BLOC1S6: variants seen among roughly 807,000 people sequenced by gnomAD.
The protein encoded by BLOC1S6 is biogenesis of lysosome-related organelles complex 1 subunit 6.
A neutral mutation model predicts 24.7 loss-of-function variants in BLOC1S6; 24 were observed. The ratio of observed to expected loss-of-function variants is 0.97; its 90% CI spans 0.70 to 1.37. The LOEUF (loss-of-function observed/expected upper bound fraction) is 1.37, where lower values mean the gene tolerates loss of function less well. BLOC1S6 is among the 40% of genes most tolerant of loss of function. BLOC1S6 has a pLI of 0.00. For synonymous variants in BLOC1S6, 76 were observed against 72.6 expected (o/e 1.05, Z -0.23); for missense variants, 175 against 196.2 (o/e 0.89, Z 0.64).
rs1227981203 is a variant in BLOC1S6, at chr15:45,609,235, T to C, written c.*2721T>C. On this transcript the variant is annotated 3_prime_UTR_variant, in exon 5 of 5. Transcript: ENST00000220531. ...GCTTTGGGAGGCTGAGGTGGGAAGA[T>C]TCTTTGAGCCCAGGAGTTCAAGGCT... is the stretch of plus-strand genomic sequence containing the variant. 2.0e-5 allele frequency: 3 copies of C among 152,130 alleles called. No individual in the cohort carries two copies. The highest frequency in any genetic ancestry group is 7.2e-5 in the African/African-American group (3 of 41,416). The allele number at this position is 152,130 out of a possible 1,614,324, so 9.4% of individuals were successfully genotyped here.
chr15:45,590,185 C>CTA (rs1245487486), intron 1 of BLOC1S6, among the ~76,000 whole-genome samples: 1 of 151,804 alleles, frequency 6.6e-6, no homozygotes, highest in African/African-American at 2.4e-5. Flanking sequence ...CTCTCTCTCT[C>CTA]TCTCTCTCTA....
intron 3 of BLOC1S6, 76 bp downstream of exon 3, chr15:45,603,263 A>T: frequency 5.5e-6 from 5 of 910,320 alleles, no homozygotes; most frequent in Non-Finnish European, 8.7e-6. Flanking sequence ...AGCAATAGCT[A>T]AGATTTTAAG....
chr15:45,587,357 C>A, upstream of BLOC1S6: 1 of 1,320,486 alleles, frequency 7.6e-7, no homozygotes, highest in African/African-American at 1.5e-5. Context: ...TCTCTTCTGT[C>A]CGGCCAGCCG....
intron 1 of BLOC1S6, among the ~76,000 whole-genome samples, chr15:45,590,651 G>A (rs1893851848): frequency 6.6e-6 from 1 of 151,916 alleles, no homozygotes; most frequent in East Asian, 1.9e-4. Flanking sequence ...CAAGTGATCC[G>A]CCCACCTCAG....
At chr15:45,590,408 CTTTTT>C (rs34886686) in intron 1 of BLOC1S6, among the ~76,000 whole-genome samples, 1 of 136,150 alleles carries the variant, frequency 7.3e-6, no homozygotes, top group Non-Finnish European at 1.6e-5. Flanking sequence ...TTTCCTCAAT[CTTTTT>C]TTTTTTTTTT....
intron 2 of BLOC1S6, chr15:45,597,867 C>A: frequency 2.7e-6 from 1 of 365,796 alleles, no homozygotes; most frequent in Non-Finnish European, 5.5e-6. Flanking sequence ...TTTTTCTTGT[C>A]TTGCTGTATT....
intron 3 of BLOC1S6, among the ~76,000 whole-genome samples, chr15:45,603,871 AAATT>A (rs1894354497): frequency 6.6e-6 from 1 of 152,222 alleles, no homozygotes; most frequent in African/African-American, 2.4e-5. Context: ...ATGCTATAAT[AAATT>A]AATGCTATAG....
intron 3 of BLOC1S6, among the ~76,000 whole-genome samples, chr15:45,603,621 G>GCTC (rs1894344328): frequency 6.6e-6 from 1 of 152,296 alleles, no homozygotes; most frequent in East Asian, 1.9e-4. Context: ...AACTGAGGTG[G>GCTC]AAGGATTGCT....
chr15:45,590,749 A>T (rs1195415598), intron 1 of BLOC1S6, among the ~76,000 whole-genome samples: 1 of 152,170 alleles, frequency 6.6e-6, no homozygotes, highest in Non-Finnish European at 1.5e-5. Flanking sequence ...TGTGGCACAA[A>T]TTGTACTTAG....
chr15:45,603,255 C>A, intron 3 of BLOC1S6, 68 bp downstream of exon 3: 1 of 965,962 alleles, frequency 1.0e-6, no homozygotes, highest in Non-Finnish European at 1.6e-6. Context: ...CTTAGCTAAG[C>A]AATAGCTAAG....
chr15:45,607,427 T>C lies in BLOC1S6; in HGVS notation c.*913T>C, dbSNP rs1894513609. 1 of 152,162 alleles carries C rather than the reference T, an allele frequency of 6.6e-6. No individual in the cohort carries two copies. 9.4% of individuals were successfully genotyped at this position (152,162 alleles called of 1,614,324 possible). ...CTTGTATATTTATAATACAATATAG[T>C]ATTATAGTAACAGTTATCATACACT... On this transcript the variant is annotated 3_prime_UTR_variant, in exon 5 of 5. Transcript: ENST00000220531.
intron 1 of BLOC1S6, among the ~76,000 whole-genome samples, chr15:45,589,803 C>T (rs1306910212): frequency 2.0e-5 from 3 of 151,988 alleles, no homozygotes; most frequent in African/African-American, 7.3e-5. Flanking sequence ...ACTTGAGTGA[C>T]TTCTTAACCA....
rs986413143 is a variant in BLOC1S6, at chr15:45,606,412, G to A, written c.417G>A (p.Leu139=). The A allele has an allele frequency of 6.2e-7, 1 of 1,613,900 alleles. No individual in the cohort carries two copies. Among genetic ancestry groups the A allele is most frequent in the Non-Finnish European group, 8.5e-7 (1 of 1,180,026 alleles). The change falls in exon 5 of 5, where the codon CTG becomes CTA. Residue 139 remains leucine (L), a synonymous_variant. Coordinates refer to ENST00000220531, the MANE Select transcript of BLOC1S6 (RefSeq NM_012388.4). ...TSKLKKRALK[L]QQKRQKEELE... Reference sequence around the variant, plus strand: ...TAACACAGAAAAGAGCACTTAAACTGCAGCAGAAGAGGCAAAAAGAAGAGT... The same window carrying A: ...TAACACAGAAAAGAGCACTTAAACTACAGCAGAAGAGGCAAAAAGAAGAGT...
At chr15:45,587,669 G>A in intron 1 of BLOC1S6, 144 bp downstream of exon 1, 1 of 835,818 alleles carries the variant, frequency 1.2e-6, no homozygotes, top group Non-Finnish European at 2.0e-6. Context: ...TGCAGAAATG[G>A]GGAACCGCGC....
chr15:45,587,295 G>T, upstream of BLOC1S6: 2 of 752,534 alleles, frequency 2.7e-6, 1 homozygote, highest in Admixed American at 4.1e-5. Context: ...ACTCTCGAGC[G>T]CGTGATCGAA....
chr15:45,589,167 T>C (rs971987589), intron 1 of BLOC1S6, among the ~76,000 whole-genome samples: 3 of 152,212 alleles, frequency 2.0e-5, no homozygotes, highest in African/African-American at 7.2e-5. Flanking sequence ...AATTCTATTC[T>C]GCTAAAAATA....
At chr15:45,606,152 A>G (rs1894449450) in intron 4 of BLOC1S6, among the ~76,000 whole-genome samples, 1 of 152,112 alleles carries the variant, frequency 6.6e-6, no homozygotes, top group South Asian at 2.1e-4. Context: ...CATTTTTACT[A>G]ATAGCTGGGC....
chr15:45,604,047 C>G (rs1894359521), intron 3 of BLOC1S6, among the ~76,000 whole-genome samples: 1 of 152,010 alleles, frequency 6.6e-6, no homozygotes, highest in South Asian at 2.1e-4. Flanking sequence ...GTTTTGCTAC[C>G]TTTATTTTCT....
At chr15:45,590,304 A>G (rs143025493) in intron 1 of BLOC1S6, among the ~76,000 whole-genome samples, 2,251 of 152,034 alleles carry the variant, frequency 0.015, 38 homozygotes, top group African/African-American at 0.052. Flanking sequence ...GAGAAGTCCA[A>G]AGTTTGTTCA....
Sources: allele counts gnomAD v4.1 joint callset (sites outside exome capture counted in the v4.1 genomes callset), GRCh38; gene constraint gnomAD v4.1.1; transcripts MANE v1.5; gene names NCBI Gene and HGNC (gene_info 2026-07-23, HGNC 2026-07-21).